Variants in ARL15 observed in about 807,000 individuals in gnomAD.
ARL15 encodes ADP-ribosylation factor-like protein 15.
Under a neutral mutation model 25.2 loss-of-function variants are expected in ARL15, and 19 were observed. The observed-to-expected ratio is 0.75, with a 90% confidence interval of 0.53 to 1.10. The LOEUF (loss-of-function observed/expected upper bound fraction) is 1.10, where lower values mean the gene tolerates loss of function less well. Ranked by LOEUF, ARL15 falls within the 50% of genes least tolerant of loss-of-function variation. ARL15 has a pLI of 0.00. For synonymous variants in ARL15, 94 were observed against 86.8 expected (o/e 1.08, Z -0.46); for missense variants, 220 against 246.0 (o/e 0.89, Z 0.71).
chr5:54,233,996 G>T (rs894417305), intron 1 of ARL15, among the ~76,000 whole-genome samples: 21 of 152,048 alleles, frequency 1.4e-4, no homozygotes, highest in African/African-American at 5.1e-4. Context: ...AACATGTAAT[G>T]GGTTTATTTT....
At chr5:54,259,412 G>A (rs1006989758) in intron 1 of ARL15, among the ~76,000 whole-genome samples, 2 of 152,122 alleles carry the variant, frequency 1.3e-5, no homozygotes, top group Non-Finnish European at 2.9e-5. Context: ...TTTCTTTCCA[G>A]GAATGAGGAT....
chr5:53,945,304 A>G (rs1746687023), intron 4 of ARL15, among the ~76,000 whole-genome samples: 1 of 152,180 alleles, frequency 6.6e-6, no homozygotes, highest in African/African-American at 2.4e-5. Flanking sequence ...TTTGTCGTTT[A>G]CTGGGTATGT....
At chr5:53,940,206 C>CCCGT in intron 4 of ARL15, among the ~76,000 whole-genome samples, 1 of 152,126 alleles carries the variant, frequency 6.6e-6, no homozygotes, top group East Asian at 1.9e-4. Context: ...ATCTCCTGAC[C>CCCGT]CCGTCATCCG....
chr5:54,206,091 G>A (rs1321619679), intron 1 of ARL15, among the ~76,000 whole-genome samples: 3 of 152,088 alleles, frequency 2.0e-5, no homozygotes, highest in African/African-American at 4.8e-5. Context: ...ACCAAACAGT[G>A]GCAGTAATAA....
chr5:53,936,673 T>G (rs1746357273), intron 4 of ARL15, among the ~76,000 whole-genome samples: 1 of 152,270 alleles, frequency 6.6e-6, no homozygotes, highest in Non-Finnish European at 1.5e-5. Context: ...ACTGTCATTA[T>G]CATTAAAAGG....
At chr5:54,073,415 C>T (rs1751483408) in intron 4 of ARL15, among the ~76,000 whole-genome samples, 1 of 152,172 alleles carries the variant, frequency 6.6e-6, no homozygotes, top group Admixed American at 6.5e-5. Context: ...GAACTTCTCA[C>T]CACATATATA....
intron 1 of ARL15, among the ~76,000 whole-genome samples, chr5:54,263,687 A>C (rs909159942): frequency 6.6e-6 from 1 of 152,286 alleles, no homozygotes; most frequent in East Asian, 1.9e-4. Flanking sequence ...AGAAATGATC[A>C]TTGAATGCTT....
At chr5:54,123,022 A>T (rs184381414) in intron 3 of ARL15, among the ~76,000 whole-genome samples, 7 of 152,234 alleles carry the variant, frequency 4.6e-5, no homozygotes, top group African/African-American at 1.7e-4. Context: ...GATTATGTAA[A>T]CTATTTACCC....
chr5:54,310,138 G>C (rs980208439), intron 1 of ARL15, among the ~76,000 whole-genome samples: 3 of 152,170 alleles, frequency 2.0e-5, no homozygotes, highest in Non-Finnish European at 4.4e-5. Flanking sequence ...AGCCGATCGC[G>C]GGCAGGGGAC....
chr5:54,214,550 C>T (rs1248963915), intron 1 of ARL15, among the ~76,000 whole-genome samples: 3 of 152,138 alleles, frequency 2.0e-5, no homozygotes, highest in Admixed American at 6.5e-5. Flanking sequence ...ACACATTTTC[C>T]GACATGCCTC....
chr5:53,978,622 C>CAAAAAAAAAAAAAAAAAAAAA (rs147288475), intron 4 of ARL15, among the ~76,000 whole-genome samples: 3 of 74,566 alleles, frequency 4.0e-5, no homozygotes, highest in Admixed American at 1.7e-4. Flanking sequence ...CCTGTCTCTA[C>CAAAAAAAAAAAAAAAAAAAAA]AAAAAAAAAA....
At chr5:54,191,446 A>T (rs1012500345) in intron 1 of ARL15, among the ~76,000 whole-genome samples, 8 of 152,064 alleles carry the variant, frequency 5.3e-5, no homozygotes, top group Non-Finnish European at 2.9e-5. Context: ...CTGCATACTT[A>T]AAAATAGTTA....
intron 4 of ARL15, among the ~76,000 whole-genome samples, chr5:54,020,263 C>T (rs560602314): frequency 2.0e-5 from 3 of 152,084 alleles, no homozygotes; most frequent in Non-Finnish European, 2.9e-5. Flanking sequence ...GCAGTGTCAG[C>T]GGAGGCCTAC....
chr5:54,007,855 T>G (rs1749097068), intron 4 of ARL15, among the ~76,000 whole-genome samples: 1 of 152,176 alleles, frequency 6.6e-6, no homozygotes, highest in Non-Finnish European at 1.5e-5. Flanking sequence ...GCTCCCAATG[T>G]TGGGGGTCTT....
chr5:54,214,959 G>A (rs1033853281), intron 1 of ARL15, among the ~76,000 whole-genome samples: 1 of 152,046 alleles, frequency 6.6e-6, no homozygotes, highest in Admixed American at 6.6e-5. Context: ...AGCAGATCAC[G>A]TTACTCCAGA....
intron 4 of ARL15, among the ~76,000 whole-genome samples, chr5:53,979,667 G>T (rs1384139102): frequency 1.3e-5 from 2 of 152,184 alleles, no homozygotes; most frequent in East Asian, 3.9e-4. Context: ...TGGCTGGCCT[G>T]ATTCTAAAGC....
intron 4 of ARL15, among the ~76,000 whole-genome samples, chr5:53,897,602 G>A (rs1253408932): frequency 6.6e-6 from 1 of 151,948 alleles, no homozygotes; most frequent in East Asian, 1.9e-4. Context: ...GGAATTCCTG[G>A]GTCATGTGTT....
chr5:53,989,662 C>T (rs932233701), intron 4 of ARL15, among the ~76,000 whole-genome samples: 5 of 151,814 alleles, frequency 3.3e-5, no homozygotes, highest in African/African-American at 7.3e-5. Flanking sequence ...TAAAGTTCTG[C>T]GAGGTTTGAT....
chr5:54,247,647 T>C (rs1363814454), intron 1 of ARL15, among the ~76,000 whole-genome samples: 4 of 151,582 alleles, frequency 2.6e-5, no homozygotes, highest in Non-Finnish European at 5.9e-5. Context: ...TAAGAGTCCT[T>C]TCATATTTTT....
Sources: gnomAD v4.1 joint callset for allele counts (sites outside exome capture counted in the v4.1 genomes callset) on GRCh38, gnomAD v4.1.1 for gene constraint, MANE v1.5 for transcripts, NCBI Gene and HGNC (gene_info 2026-07-23, HGNC 2026-07-21) for gene names.